CBL: variants seen among roughly 807,000 people sequenced by gnomAD.
CBL encodes the protein E3 ubiquitin-protein ligase CBL.
In CBL, 45 loss-of-function variants were observed where a neutral mutation model predicts 96.9. The ratio of observed to expected loss-of-function variants is 0.46; its 90% CI spans 0.37 to 0.60. The LOEUF is 0.60. Ranked by LOEUF, CBL falls within the 20% of genes least tolerant of loss-of-function variation. CBL has a pLI of 0.00. For missense variants in CBL, 1,024 were observed against 1,143.5 expected (o/e 0.90, Z 1.51); for synonymous variants, 420 against 426.8 (o/e 0.98, Z 0.20).
intron 12 of CBL, among the ~76,000 whole-genome samples, chr11:119,294,968 G>A (rs1950054119): frequency 6.6e-6 from 1 of 152,224 alleles, no homozygotes; most frequent in East Asian, 1.9e-4. Flanking sequence ...GAACATCTTT[G>A]CATGTTATTA....
intron 3 of CBL, among the ~76,000 whole-genome samples, chr11:119,272,898 C>G (rs1949859615): frequency 6.6e-6 from 1 of 151,984 alleles, no homozygotes. Flanking sequence ...TGTATTGTCT[C>G]TCTATATATT....
At chr11:119,270,957 C>G (rs1949843862) in intron 2 of CBL, among the ~76,000 whole-genome samples, 1 of 152,126 alleles carries the variant, frequency 6.6e-6, no homozygotes, top group Non-Finnish European at 1.5e-5. Flanking sequence ...GTAGCATATG[C>G]ACTTATGTAG....
chr11:119,291,150 A>G (rs1359571146), intron 12 of CBL, among the ~76,000 whole-genome samples: 3 of 152,170 alleles, frequency 2.0e-5, no homozygotes, highest in East Asian at 1.9e-4. Context: ...TAATCCCAAC[A>G]CTTTGGGAAG....
intron 2 of CBL, among the ~76,000 whole-genome samples, chr11:119,259,876 T>C (rs1160125130): frequency 2.0e-5 from 3 of 152,180 alleles, no homozygotes; most frequent in African/African-American, 7.2e-5. Flanking sequence ...AAACCTGTAA[T>C]ATTGTTCTTT....
rs1950096884 is a variant in CBL, at chr11:119,300,829, G to T, written c.*1048G>T. ...CATTTGTTTCCAGGATGACTTTCTG[G>T]CCAGAATACCGGAAAGCTTTTAGGA... On this transcript the variant is annotated 3_prime_UTR_variant, in exon 16 of 16. Transcript: ENST00000264033. 2.8e-6 allele frequency: 1 copy of T among 354,268 alleles called. No individual in the cohort carries two copies. Among genetic ancestry groups the T allele is most frequent in the African/African-American group, 2.1e-5 (1 of 47,956 alleles). The allele number at this position is 354,268 out of a possible 1,614,324, so 21.9% of individuals were successfully genotyped here.
At chr11:119,236,703 G>A (rs1437390893) in intron 2 of CBL, among the ~76,000 whole-genome samples, 1 of 150,756 alleles carries the variant, frequency 6.6e-6, no homozygotes, top group Non-Finnish European at 1.5e-5. Flanking sequence ...TTCCACAGTA[G>A]CTGTACCATT....
chr11:119,243,558 A>C (rs541348759), intron 2 of CBL, among the ~76,000 whole-genome samples: 10 of 151,084 alleles, frequency 6.6e-5, no homozygotes, highest in Middle Eastern at 3.4e-3. Context: ...ACGATATGAC[A>C]ATATGTTAAA....
intron 2 of CBL, among the ~76,000 whole-genome samples, chr11:119,269,456 C>T (rs376112090): frequency 1.3e-4 from 19 of 151,860 alleles, no homozygotes; most frequent in African/African-American, 2.7e-4. Flanking sequence ...GCATCCGCCT[C>T]GACCTCCGAA....
At chr11:119,241,051 A>C (rs1949583636) in intron 2 of CBL, among the ~76,000 whole-genome samples, 1 of 152,180 alleles carries the variant, frequency 6.6e-6, no homozygotes, top group Non-Finnish European at 1.5e-5. Context: ...AGCCTGGGCG[A>C]CAGAGTTAGA....
rs1403046068 is a variant in CBL, at chr11:119,299,878, C to G, written c.*97C>G. On this transcript the variant is annotated 3_prime_UTR_variant, in exon 16 of 16. Transcript: ENST00000264033. ...GGCAGGAGTTCCTTTGGTGACTTCA[C>G]AGTGAAGTCTTGCCCTCTCTGTGGG... is the stretch of plus-strand genomic sequence containing the variant. 8.3e-7 allele frequency: 1 copy of G among 1,204,860 alleles called. No individual in the cohort carries two copies. The highest frequency in any genetic ancestry group is 1.2e-6 in the Non-Finnish European group (1 of 819,272). 74.6% of individuals were successfully genotyped at this position (1,204,860 alleles called of 1,614,324 possible). A position where few individuals can be genotyped will look rare whatever the true frequency, so the allele number is the denominator to read the frequency against.
At chr11:119,209,597 A>G (rs1949300825) in intron 1 of CBL, among the ~76,000 whole-genome samples, 1 of 152,082 alleles carries the variant, frequency 6.6e-6, no homozygotes, top group Non-Finnish European at 1.5e-5. Flanking sequence ...AGCCTGAGCG[A>G]CAGAGTGAGA....
chr11:119,235,318 T>C (rs1213950456), intron 2 of CBL, among the ~76,000 whole-genome samples: 1 of 152,148 alleles, frequency 6.6e-6, no homozygotes, highest in Admixed American at 6.5e-5. Context: ...TTTCACCATA[T>C]TGGCTTGGCT....
At position 119,225,634 on chromosome 11, in the gene CBL, A is replaced by G. The variant is rs140905939; in HGVS notation, c.196-6814A>G. Among the ~76,000 whole-genome samples, 135 of 152,038 alleles carry G rather than the reference A, an allele frequency of 8.9e-4. 3 individuals carry two copies. In the East Asian group the frequency reaches 0.021, roughly 23 times the overall value. ...GGCTAGTCTTGAACTCCTAGGCTCA[A>G]GCGATCTGCCCACCTCAGCGTCAGC... is the stretch of plus-strand genomic sequence containing the variant. On this transcript the variant is annotated intron_variant, in intron 1 of 15. Coordinates refer to ENST00000264033, the MANE Select transcript of CBL (RefSeq NM_005188.4).
chr11:119,216,926 T>C (rs973088361), intron 1 of CBL, among the ~76,000 whole-genome samples: 2 of 152,200 alleles, frequency 1.3e-5, no homozygotes, highest in African/African-American at 4.8e-5. Context: ...GAATTATTTA[T>C]ATACTTAAGC....
intron 12 of CBL, among the ~76,000 whole-genome samples, chr11:119,293,603 A>C: frequency 6.6e-6 from 1 of 152,132 alleles, no homozygotes; most frequent in South Asian, 2.1e-4. Context: ...AATTGCTGGC[A>C]TTTCAGGTAT....
chr11:119,268,953 A>G (rs538593242), intron 2 of CBL, among the ~76,000 whole-genome samples: 1 of 152,278 alleles, frequency 6.6e-6, no homozygotes, highest in South Asian at 2.1e-4. Context: ...TCAATAATCT[A>G]GTTTAGGGAC....
intron 1 of CBL, among the ~76,000 whole-genome samples, chr11:119,229,577 A>G (rs1250843205): frequency 1.3e-5 from 2 of 152,194 alleles, no homozygotes; most frequent in Admixed American, 6.6e-5. Flanking sequence ...ATTGAGCTCC[A>G]GCCTGAGAGA....
intron 3 of CBL, among the ~76,000 whole-genome samples, chr11:119,273,487 C>T (rs1043170052): frequency 6.6e-6 from 1 of 152,200 alleles, no homozygotes; most frequent in Admixed American, 6.5e-5. Context: ...TGCAGTGGCA[C>T]GATCTCACTT....
At chr11:119,269,097 G>C (rs1395078544) in intron 2 of CBL, among the ~76,000 whole-genome samples, 1 of 152,048 alleles carries the variant, frequency 6.6e-6, no homozygotes, top group African/African-American at 2.4e-5. Flanking sequence ...TTTCTTTCAC[G>C]TTACCTATTT....
Sources: allele counts gnomAD v4.1 joint callset (sites outside exome capture counted in the v4.1 genomes callset), GRCh38; gene constraint gnomAD v4.1.1; transcripts MANE v1.5; gene names NCBI Gene and HGNC (gene_info 2026-07-23, HGNC 2026-07-21).